ATG2B: variants seen among roughly 807,000 people sequenced by gnomAD.
ATG2B encodes the protein autophagy-related protein 2 homolog B.
In ATG2B, 121 loss-of-function variants were observed where a neutral mutation model predicts 241.3. That is an observed-to-expected ratio of 0.50 (90% CI 0.43 to 0.58). The LOEUF (loss-of-function observed/expected upper bound fraction) is 0.58. Among genes scored for constraint, ATG2B ranks in the 20% least tolerant of loss-of-function variants. The pLI is 0.00. For synonymous variants in ATG2B, 858 were observed against 876.6 expected, an observed-to-expected ratio of 0.98 and a Z score of 0.37; for missense variants, 2,306 against 2,491.6, an observed-to-expected ratio of 0.93 and a Z score of 1.59.
At position 96,343,248 on chromosome 14, in the gene ATG2B, G is replaced by A. The variant is rs1294050729; in HGVS notation, c.615C>T (p.Ser205=). Residue 205 remains serine (S), a synonymous_variant, in exon 5 of 42, where the codon TCC becomes TCT. Coordinates refer to ENST00000359933, the MANE Select transcript of ATG2B (RefSeq NM_018036.7). ...TVYCDETADE[S]SGINVHQPTA... ...TGGGTTGATGCACATTAATTCCTGAGGATTCGTCAGCAGTTTCATCACAGT... is the reference window on the plus strand; with the variant it reads ...TGGGTTGATGCACATTAATTCCTGAAGATTCGTCAGCAGTTTCATCACAGT... 1.2e-6 allele frequency: 2 copies of A among 1,607,476 alleles called. No individual in the cohort carries two copies. Among genetic ancestry groups the A allele is most frequent in the Non-Finnish European group, 1.7e-6 (2 of 1,177,404 alleles).
chr14:96,363,021 G>A lies in ATG2B; in HGVS notation c.-45C>T. 1 of 1,608,778 alleles carries A rather than the reference G, an allele frequency of 6.2e-7. No individual in the cohort carries two copies. The highest frequency in any genetic ancestry group is 8.5e-7 in the Non-Finnish European group (1 of 1,177,908). On this transcript the variant is annotated 5_prime_UTR_variant, in exon 1 of 42. Coordinates refer to ENST00000359933, the MANE Select transcript of ATG2B (RefSeq NM_018036.7). The stretch of plus-strand genomic sequence containing the variant: ...GCTGACTGCGGCTGCGGGTTGCGAC[G>A]GCTCCGGCCTCGGGGTAGCGACTCC...
Position 96,304,556 on chromosome 14 carries a change from T to C in ATG2B, c.4781A>G (p.Asn1594Ser), listed in dbSNP as rs141740422. The C allele has an allele frequency of 1.4e-3, 2,298 of 1,613,212 alleles. 2 individuals are homozygous for C. The highest frequency in any genetic ancestry group is 1.8e-3 in the Non-Finnish European group (2,128 of 1,179,582). ...PSHTPTRHGR[N>S]TVCGGKGRNH... ...CCTTCCTTTTCCCCCACATACTGTATTACGTCCATGTCTCGTGGGTGTGTG... is the reference window on the plus strand; with the variant it reads ...CCTTCCTTTTCCCCCACATACTGTACTACGTCCATGTCTCGTGGGTGTGTG... Residue 1594 changes from asparagine (N) to serine (S), a missense_variant, in exon 32 of 42, where the codon AAT becomes AGT. Asn to Ser is a conservative substitution (Grantham distance 46). Around this residue, in one of 2 missense-constraint regions of ATG2B, gnomAD observed 1,927 missense variants for 2,011.2 expected, o/e 0.96. Transcript: ENST00000359933.
chr14:96,342,622 T>G (rs1421561733), intron 5 of ATG2B, among the ~76,000 whole-genome samples: 1 of 150,226 alleles, frequency 6.7e-6, no homozygotes, highest in Non-Finnish European at 1.5e-5. Flanking sequence ...CTCAGGAGGC[T>G]GAGGCAGGAG....
rs1194123389 is a variant in ATG2B at position 96,290,557 on chromosome 14, A to C, written c.5735T>G (p.Ile1912Arg). 3 of 1,614,108 alleles carry C rather than the reference A, an allele frequency of 1.9e-6. No individual in the cohort carries two copies. The highest frequency in any genetic ancestry group is 2.5e-6 in the Non-Finnish European group (3 of 1,180,054). ...QGLKDLVWLP[I>R]EQYRKDGRIV... ...GCGGCCATCCTTCCGGTACTGCTCT[A>C]TTGGGAGCCAGACCAAGTCCTTTAG... The change falls in exon 40 of 42, where the codon ATA becomes AGA. Residue 1912 changes from isoleucine to arginine, a missense_variant. Ile to Arg is a moderately conservative substitution (Grantham distance 97, BLOSUM62 -3). This residue lies in a region of ATG2B where 379 missense variants were observed against 480.4 expected (regional missense o/e 0.79). Transcript: ENST00000359933. This position sits in a 1 kb window ranked among gnomAD's most constrained non-coding sequence, Gnocchi z 4.4.
chr14:96,290,727 A>G lies in ATG2B; in HGVS notation c.5701+87T>C. The G allele has an allele frequency of 6.5e-7, 1 of 1,546,938 alleles. No individual in the cohort carries two copies. The highest frequency in any genetic ancestry group is 1.2e-5 in the South Asian group (1 of 82,074). ...GTACATATGTGAGTTTTCTAGACTA[A>G]TGGTCCTCACATAAGTTCTCAAAGG... On this transcript the variant is annotated intron_variant, in intron 39 of 41. Transcript: ENST00000359933. The surrounding 1 kb of genome is among the most constrained non-coding windows in gnomAD (Gnocchi z 4.4).
chr14:96,337,013 G>A lies in ATG2B; in HGVS notation c.925-2512C>T, dbSNP rs192013164. 9.7e-4 allele frequency among the ~76,000 whole-genome samples: 147 copies of A among 152,242 alleles called. 1 individual carries two copies. Among genetic ancestry groups the A allele is most frequent in the African/African-American group, 3.3e-3 (137 of 41,556 alleles). On this transcript the variant is annotated intron_variant, in intron 6 of 41. Coordinates refer to ENST00000359933, the MANE Select transcript of ATG2B (RefSeq NM_018036.7). ...GGTTCCAATCCAAGGAGGGATTTCC[G>A]GAGATTCTTCAATCCTCTGAAAAAT...
At position 96,331,746 on chromosome 14, in the gene ATG2B, C is replaced by T. The variant is rs1199194718; in HGVS notation, c.1469-109G>A. ...CTTTAAAAAACAGATGATCATACAACAGTTTGAATGATATTAAACAATTAA... is the reference window on the plus strand; with the variant it reads ...CTTTAAAAAACAGATGATCATACAATAGTTTGAATGATATTAAACAATTAA... On this transcript the variant is annotated intron_variant, in intron 10 of 41. Transcript: ENST00000359933. The T allele has an allele frequency of 9.3e-6, 8 of 856,814 alleles. No homozygotes were observed. The African/African-American group carries it at 1.0e-4, about 11-fold the overall frequency. 53.1% of individuals were successfully genotyped at this position (856,814 alleles called of 1,614,324 possible). A position where few individuals can be genotyped will look rare whatever the true frequency, so the allele number is the denominator to read the frequency against.
intron 5 of ATG2B, 137 bp downstream of exon 5, chr14:96,342,982 T>G (rs1313380777): frequency 3.5e-6 from 2 of 565,070 alleles, no homozygotes; most frequent in East Asian, 6.0e-5. Flanking sequence ...TATATTACCA[T>G]TACTGAATAT....
rs201128906 is a variant in ATG2B, at chr14:96,308,247, TATATACACAC to T, written c.4303+1196_4303+1205del. 9.8e-4 allele frequency among the ~76,000 whole-genome samples: 13 copies of T among 13,312 alleles called. 1 individual carries two copies. The highest frequency in any genetic ancestry group is 4.5e-3 in the South Asian group (3 of 670). 8.7% of individuals were successfully genotyped at this position (13,312 alleles called of 152,430 possible). A position where few individuals can be genotyped will look rare whatever the true frequency, so the allele number is the denominator to read the frequency against. ...ATATATATACATATATATATATATATATATACACACATATATATATATATATATATATATA... is the reference window on the plus strand; with the variant it reads ...ATATATATACATATATATATATATATATATATATATATATATATATATATA... On this transcript the variant is annotated intron_variant, in intron 29 of 41. Transcript: ENST00000359933.
At chr14:96,356,533 C>T (rs1225077170) in intron 1 of ATG2B, among the ~76,000 whole-genome samples, 5 of 151,996 alleles carry the variant, frequency 3.3e-5, no homozygotes, top group African/African-American at 1.2e-4. Context: ...GCTTTTAAAA[C>T]GCAATGGAAA....
intron 1 of ATG2B, among the ~76,000 whole-genome samples, chr14:96,349,899 C>A (rs550123784): frequency 6.6e-6 from 1 of 152,084 alleles, no homozygotes; most frequent in Non-Finnish European, 1.5e-5. Context: ...GTGACTCACG[C>A]CTTTAACTCC....
At chr14:96,356,765 T>C (rs888499894) in intron 1 of ATG2B, among the ~76,000 whole-genome samples, 2 of 151,534 alleles carry the variant, frequency 1.3e-5, no homozygotes, top group African/African-American at 4.8e-5. Flanking sequence ...CAGTGTGGTG[T>C]ACAAAAAAAA....
chr14:96,290,652 C>A lies in ATG2B; in HGVS notation c.5702-62G>T. Reference sequence around the variant, plus strand: ...AGTTCAGACTTTTCTATCATTCTAACCCTGGGGTTTTTAACTCCTAAAACT... The same window carrying A: ...AGTTCAGACTTTTCTATCATTCTAAACCTGGGGTTTTTAACTCCTAAAACT... On this transcript the variant is annotated intron_variant, in intron 39 of 41. Transcript: ENST00000359933. This position sits in a 1 kb window ranked among gnomAD's most constrained non-coding sequence, Gnocchi z 4.4. 1 of 1,593,368 alleles carries A rather than the reference C, an allele frequency of 6.3e-7. No individual in the cohort carries two copies. Among genetic ancestry groups the A allele is most frequent in the Non-Finnish European group, 8.6e-7 (1 of 1,168,778 alleles).
At chr14:96,356,137 C>T (rs1174619593) in intron 1 of ATG2B, among the ~76,000 whole-genome samples, 1 of 148,400 alleles carries the variant, frequency 6.7e-6, no homozygotes, top group African/African-American at 2.5e-5. Flanking sequence ...CGCCACTGCA[C>T]TCCAACCTGG....
At chr14:96,353,944 G>A (rs543771798) in intron 1 of ATG2B, among the ~76,000 whole-genome samples, 8 of 151,880 alleles carry the variant, frequency 5.3e-5, no homozygotes, top group South Asian at 2.1e-4. Context: ...TAATGTGTAC[G>A]ATTTTTAAAT....
intron 14 of ATG2B, among the ~76,000 whole-genome samples, chr14:96,328,066 C>T (rs1392845779): frequency 6.6e-6 from 1 of 151,888 alleles, no homozygotes; most frequent in African/African-American, 2.4e-5. Flanking sequence ...CCTCCCACCT[C>T]AGCCTCCTAA....
At chr14:96,359,853 AT>A (rs1319174195) in intron 1 of ATG2B, among the ~76,000 whole-genome samples, 1 of 152,252 alleles carries the variant, frequency 6.6e-6, no homozygotes, top group African/African-American at 2.4e-5. Context: ...AAAATGAGAC[AT>A]TCTATATTAA....
chr14:96,294,018 T>C (rs1328820724), intron 36 of ATG2B, among the ~76,000 whole-genome samples: 1 of 152,258 alleles, frequency 6.6e-6, no homozygotes, highest in Non-Finnish European at 1.5e-5. Context: ...AAAAGGTCCT[T>C]CTTTGGCGGT....
At position 96,328,866 on chromosome 14, in the gene ATG2B, G is replaced by A. The variant is rs1887655814; in HGVS notation, c.1882-100C>T. ...AAAGGCTTTCTGAAGTCAGAAATCT[G>A]GTTTTAAGTTTCATTTTTGTCACTT... On this transcript the variant is annotated intron_variant, in intron 12 of 41. Coordinates refer to ENST00000359933, the MANE Select transcript of ATG2B (RefSeq NM_018036.7). 8.1e-6 allele frequency: 7 copies of A among 864,830 alleles called. No individual in the cohort carries two copies. In the South Asian group the frequency reaches 1.3e-4, roughly 16 times the overall value. The allele number at this position is 864,830 out of a possible 1,614,324, so 53.6% of individuals were successfully genotyped here. A position where few individuals can be genotyped will look rare whatever the true frequency, so the allele number is the denominator to read the frequency against.
Sources: gnomAD v4.1 joint callset for allele counts (sites outside exome capture counted in the v4.1 genomes callset) on GRCh38, gnomAD v4.1.1 for gene constraint, gnomAD v4.1.1 regional missense constraint, Gnocchi (gnomAD v3.1) non-coding constraint, MANE v1.5 for transcripts, NCBI Gene and HGNC (gene_info 2026-07-23, HGNC 2026-07-21) for gene names.